Variants in DAP3 observed in about 807,000 individuals in gnomAD.
DAP3 encodes small ribosomal subunit protein mS29.
In DAP3, 28 loss-of-function variants were observed where a neutral mutation model predicts 51.9. That is an observed-to-expected ratio of 0.54 (90% CI 0.40 to 0.74). The LOEUF is 0.74. DAP3 is among the 30% of genes least tolerant of loss of function. The pLI is 0.00. For synonymous variants in DAP3, 170 were observed against 170.3 expected, an observed-to-expected ratio of 1.00 and a Z score of 0.01; for missense variants, 458 against 483.5, an observed-to-expected ratio of 0.95 and a Z score of 0.49.
chr1:155,717,056 T>C lies in DAP3; in HGVS notation c.96T>C (p.Ile32=). 1 of 1,614,056 alleles carries C rather than the reference T, an allele frequency of 6.2e-7. No homozygotes were observed. Among genetic ancestry groups the C allele is most frequent in the Non-Finnish European group, 8.5e-7 (1 of 1,180,020 alleles). ...LHMGTQARQS[I]AAHLDNQVPV... The stretch of plus-strand genomic sequence containing the variant: ...TGGGGACCCAGGCTCGCCAAAGCAT[T>C]GCTGCTCACCTAGATAACCAGGTTC... Residue 32 remains isoleucine, a synonymous_variant, in exon 3 of 13, where the codon ATT becomes ATC. Transcript: ENST00000368336.
intron 7 of DAP3, 66 bp from the exon 8 acceptor site, chr1:155,728,976 G>GGGAT: frequency 6.6e-7 from 1 of 1,525,014 alleles, no homozygotes; most frequent in Middle Eastern, 1.8e-4. Flanking sequence ...ACCTTTTCAA[G>GGGAT]GGATGGTTTC....
rs1557786285 is a variant in DAP3, at chr1:155,721,404, A to ATATATATGTATGTATG, written c.169-106_169-105insGTATGTATGTATATAT. On this transcript the variant is annotated intron_variant, in intron 3 of 12. Transcript: ENST00000368336. The stretch of plus-strand genomic sequence containing the variant: ...TGTATATATATATGTATGTATGTAT[A>ATATATATGTATGTATG]TATATATATATATACACATAGACAT... 16 of 331,272 alleles carry ATATATATGTATGTATG rather than the reference A, an allele frequency of 4.8e-5. No homozygotes were observed. In the African/African-American group the frequency reaches 7.6e-4, roughly 16 times the overall value. 20.5% of individuals were successfully genotyped at this position (331,272 alleles called of 1,614,324 possible).
At chr1:155,729,653 C>T (rs921116788) in intron 9 of DAP3, among the ~76,000 whole-genome samples, 1 of 152,040 alleles carries the variant, frequency 6.6e-6, no homozygotes, top group African/African-American at 2.4e-5. Context: ...GGCATGGTGG[C>T]ACACACCTGT....
intron 11 of DAP3, chr1:155,736,570 C>G (rs1659821967): frequency 3.8e-6 from 1 of 266,564 alleles, no homozygotes; most frequent in South Asian, 4.0e-5. Flanking sequence ...GCACGCAGCA[C>G]CACTCCTGGC....
At chr1:155,712,668 A>G (rs943398230) in intron 2 of DAP3, among the ~76,000 whole-genome samples, 12 of 152,038 alleles carry the variant, frequency 7.9e-5, no homozygotes, top group Non-Finnish European at 1.8e-4. Context: ...ATTTGCTTCA[A>G]AAAGTACCTG....
rs1490697995 is a variant in DAP3, at chr1:155,721,624, C to A, written c.270+6C>A. The A allele has an allele frequency of 1.2e-6, 2 of 1,613,730 alleles. No homozygotes were observed. Among genetic ancestry groups the A allele is most frequent in the South Asian group, 2.2e-5 (2 of 91,070 alleles). On this transcript the variant is annotated splice_donor_region_variant and intron_variant, in intron 4 of 12. Transcript: ENST00000368336. ...CTCCTCGCTTTGTGATGCAGGTGCT[C>A]AAGACAGGGAATGGAATTGGAGGGA...
chr1:155,697,986 C>T (rs576477678), intron 1 of DAP3, among the ~76,000 whole-genome samples: 7 of 152,308 alleles, frequency 4.6e-5, no homozygotes, highest in South Asian at 2.1e-4. Flanking sequence ...TTCTCCTATT[C>T]GCTTTCTGAA....
At chr1:155,701,427 A>G (rs1655263508) in intron 1 of DAP3, among the ~76,000 whole-genome samples, 1 of 111,672 alleles carries the variant, frequency 9.0e-6, no homozygotes, top group Non-Finnish European at 1.8e-5. Context: ...CTCAGGGTTA[A>G]ATGGATTAAG....
In DAP3 at chr1:155,721,614, T is replaced by C; in HGVS notation, c.266T>C (p.Met89Thr). The change falls in exon 4 of 13, where the codon ATG (methionine) becomes ACG (threonine). Residue 89 changes from methionine (M) to threonine (T), a missense_variant. By Grantham distance (81) the Met-to-Thr change is moderately conservative. Transcript: ENST00000368336. ...CATGGCCTTCCTCCTCGCTTTGTGA[T>C]GCAGGTGCTCAAGACAGGGAATGGA... ...FPHGLPPRFV[M>T]QVKTFSEACL... 6.2e-7 allele frequency: 1 copy of C among 1,614,044 alleles called. No homozygotes were observed. Among genetic ancestry groups the C allele is most frequent in the East Asian group, 2.2e-5 (1 of 44,876 alleles).
chr1:155,688,292 G>T (rs769324996), upstream of DAP3: 2 of 1,576,966 alleles, frequency 1.3e-6, no homozygotes, highest in Non-Finnish European at 8.6e-7. Context: ...CACTGGGATC[G>T]TTTCCCCTCG....
At chr1:155,718,309 C>G (rs1401300799) in intron 3 of DAP3, among the ~76,000 whole-genome samples, 1 of 152,010 alleles carries the variant, frequency 6.6e-6, no homozygotes, top group East Asian at 1.9e-4. Flanking sequence ...TTGCTTGAAC[C>G]CAGGAGGCAG....
At chr1:155,725,518 C>G in intron 5 of DAP3, 28 bp downstream of exon 5, 1 of 1,579,472 alleles carries the variant, frequency 6.3e-7, no homozygotes, top group Non-Finnish European at 8.7e-7. Context: ...CGTGGACCCT[C>G]ATGAACCAAT....
At chr1:155,715,837 A>G (rs1657268577) in intron 2 of DAP3, among the ~76,000 whole-genome samples, 1 of 152,114 alleles carries the variant, frequency 6.6e-6, no homozygotes, top group Non-Finnish European at 1.5e-5. Context: ...TCACTGAGTT[A>G]CCTATAGAGC....
chr1:155,715,852 T>G (rs968443251), intron 2 of DAP3, among the ~76,000 whole-genome samples: 1 of 152,218 alleles, frequency 6.6e-6, no homozygotes, highest in African/African-American at 2.4e-5. Context: ...TAGAGCAGTT[T>G]GCTTTCACTT....
rs117361990 is a variant in DAP3 at position 155,714,446 on chromosome 1, T to C, written c.46-2560T>C. On this transcript the variant is annotated intron_variant, in intron 2 of 12. Coordinates refer to ENST00000368336, the MANE Select transcript of DAP3 (RefSeq NM_004632.4). The stretch of plus-strand genomic sequence containing the variant: ...CTATGAACGATGAAAAAATCAAAGA[T>C]TTAGAGATAAAGATACAAGTTAAAA... Among the ~76,000 whole-genome samples, 4 of 152,182 alleles carry C rather than the reference T, an allele frequency of 2.6e-5. No homozygotes were observed. In the East Asian group the frequency reaches 7.7e-4, roughly 29 times the overall value.
intron 3 of DAP3, 115 bp from the exon 4 acceptor site, chr1:155,721,396 GTATGTA>G: frequency 9.0e-6 from 4 of 444,356 alleles, no homozygotes; most frequent in Admixed American, 3.7e-5. Flanking sequence ...ATATATGTAT[GTATGTA>G]TATATATATA....
rs190033952 is a variant in DAP3, at chr1:155,695,446, A to G, written c.-8+6272A>G. 5.8e-3 allele frequency among the ~76,000 whole-genome samples: 889 copies of G among 152,296 alleles called. 3 individuals are homozygous for G. Among genetic ancestry groups the G allele is most frequent in the Admixed American group, 8.4e-3 (128 of 15,296 alleles). On this transcript the variant is annotated intron_variant, in intron 1 of 12. Transcript: ENST00000368336. ...GATAGTTGTTTGTAAGTCCTGTTAC[A>G]TTAAGGTGTGTTAATGAGTGGAAAG...
chr1:155,705,828 G>C (rs1204873289), intron 1 of DAP3, among the ~76,000 whole-genome samples: 2 of 151,982 alleles, frequency 1.3e-5, no homozygotes, highest in Admixed American at 6.6e-5. Flanking sequence ...AGCCTCCTGA[G>C]TAGCTGGGAA....
upstream of DAP3, chr1:155,689,080 G>T: frequency 6.8e-7 from 1 of 1,475,238 alleles, no homozygotes; most frequent in South Asian, 1.2e-5. Context: ...CGGATGACCC[G>T]ACCCTTTTTT....
Sources: gnomAD v4.1 joint callset for allele counts (sites outside exome capture counted in the v4.1 genomes callset) on GRCh38, gnomAD v4.1.1 for gene constraint, MANE v1.5 for transcripts, NCBI Gene and HGNC (gene_info 2026-07-23, HGNC 2026-07-21) for gene names.